CGRRF1: variants seen among roughly 807,000 people sequenced by gnomAD.
The protein encoded by CGRRF1 is cell growth regulator with RING finger domain protein 1.
A neutral mutation model predicts 37.2 loss-of-function variants in CGRRF1; 32 were observed. That is an observed-to-expected ratio of 0.86 (90% CI 0.65 to 1.16). The LOEUF (loss-of-function observed/expected upper bound fraction) is 1.16. CGRRF1 is among the 50% of genes most tolerant of loss of function. The pLI, the probability that CGRRF1 is intolerant of heterozygous loss-of-function variation, is 0.00. For synonymous variants in CGRRF1, 141 were observed against 140.3 expected, an observed-to-expected ratio of 1.00 and a Z score of -0.04; for missense variants, 391 against 382.6, an observed-to-expected ratio of 1.02 and a Z score of -0.18.
intron 3 of CGRRF1, chr14:54,530,537 A>T (rs985724156): frequency 7.6e-7 from 1 of 1,310,926 alleles, no homozygotes; most frequent in Non-Finnish European, 1.0e-6. Context: ...CTCCCCAAGC[A>T]TTAGAAGATG....
chr14:54,512,200 C>G (rs2032140628), intron 1 of CGRRF1, among the ~76,000 whole-genome samples: 1 of 152,126 alleles, frequency 6.6e-6, no homozygotes, highest in Non-Finnish European at 1.5e-5. Flanking sequence ...CATGGTTTTT[C>G]CCTTGGTACT....
chr14:54,529,099 C>T (rs1398371036), intron 2 of CGRRF1, among the ~76,000 whole-genome samples: 1 of 152,172 alleles, frequency 6.6e-6, no homozygotes, highest in Non-Finnish European at 1.5e-5. Context: ...GAGCCAAAAT[C>T]AGATGCCAAG....
chr14:54,522,515 G>C lies in CGRRF1; in HGVS notation c.166G>C (p.Val56Leu), dbSNP rs2032335695. The change falls in exon 2 of 6, where the codon GTT becomes CTT. Residue 56 changes from valine to leucine, a missense_variant. By Grantham distance (32) the Val-to-Leu change is conservative. Transcript: ENST00000216420. The stretch of plus-strand genomic sequence containing the variant: ...AGAAGAGACCCAGTTCAGCACAAGA[G>C]TTTTCAAAAAGCAAATGAGACAAGT... ...NSEETQFSTRVFKKQMRQVKN... is the reference protein window; with the variant it reads ...NSEETQFSTRLFKKQMRQVKN... 6.2e-7 allele frequency: 1 copy of C among 1,609,706 alleles called. No homozygotes were observed. Among genetic ancestry groups the C allele is most frequent in the South Asian group, 1.1e-5 (1 of 90,062 alleles).
At chr14:54,518,013 C>T (rs1403817951) in intron 1 of CGRRF1, among the ~76,000 whole-genome samples, 1 of 152,184 alleles carries the variant, frequency 6.6e-6, no homozygotes, top group Non-Finnish European at 1.5e-5. Context: ...TTTTCTTCAT[C>T]CAGTCTATCA....
At chr14:54,522,939 G>C (rs116163596) in intron 2 of CGRRF1, among the ~76,000 whole-genome samples, 2 of 152,124 alleles carry the variant, frequency 1.3e-5, no homozygotes, top group African/African-American at 4.8e-5. Flanking sequence ...TACAGTTAAC[G>C]TAAGGTTGCT....
chr14:54,528,367 C>T (rs148687706), intron 2 of CGRRF1, among the ~76,000 whole-genome samples: 83 of 151,836 alleles, frequency 5.5e-4, no homozygotes, highest in South Asian at 1.5e-3. Context: ...TCATTTAATC[C>T]GCATTGATGA....
rs1272148908 is a variant in CGRRF1, at chr14:54,509,937, G to T, written c.-23G>T. ...GGCTGGGCTCCGCGGCTGGAGCCGG[G>T]CTCTACCCAGAGCAAGACCCTGATG... On this transcript the variant is annotated 5_prime_UTR_variant, in exon 1 of 6. Coordinates refer to ENST00000216420, the MANE Select transcript of CGRRF1 (RefSeq NM_006568.3). 1.3e-6 allele frequency: 2 copies of T among 1,577,210 alleles called. No individual in the cohort carries two copies. The highest frequency in any genetic ancestry group is 2.2e-5 in the East Asian group (1 of 44,708).
intron 2 of CGRRF1, among the ~76,000 whole-genome samples, chr14:54,526,964 C>G (rs2032421173): frequency 6.6e-6 from 1 of 152,156 alleles, no homozygotes; most frequent in Non-Finnish European, 1.5e-5. Context: ...AGTGGCTTAG[C>G]ATATTTTCTA....
chr14:54,517,936 C>T (rs1594647891), intron 1 of CGRRF1, among the ~76,000 whole-genome samples: 1 of 152,186 alleles, frequency 6.6e-6, no homozygotes. Flanking sequence ...GACGCATTTT[C>T]CTGCAAAGGA....
chr14:54,519,246 T>C (rs2032273161), intron 1 of CGRRF1, among the ~76,000 whole-genome samples: 2 of 142,772 alleles, frequency 1.4e-5, no homozygotes, highest in Middle Eastern at 3.8e-3. Context: ...GTGCCTGGCC[T>C]TTTTTTTTTG....
intron 4 of CGRRF1, 112 bp from the exon 5 acceptor site, chr14:54,537,610 C>T: frequency 9.1e-7 from 1 of 1,093,294 alleles, no homozygotes; most frequent in Non-Finnish European, 1.2e-6. Flanking sequence ...AAGCATTTTT[C>T]TTTTTTTTTG....
chr14:54,519,808 T>C (rs1594648974), intron 1 of CGRRF1, among the ~76,000 whole-genome samples: 1 of 152,334 alleles, frequency 6.6e-6, no homozygotes, highest in African/African-American at 2.4e-5. Flanking sequence ...CATTTTATTA[T>C]AAAAATTTTC....
At chr14:54,515,241 A>C (rs545570065) in intron 1 of CGRRF1, among the ~76,000 whole-genome samples, 1 of 151,340 alleles carries the variant, frequency 6.6e-6, no homozygotes, top group South Asian at 2.1e-4. Flanking sequence ...GGTGTGCACT[A>C]CCATGCCCAA....
rs1017295486 is a variant in CGRRF1, at chr14:54,538,983, G to A, written c.*600G>A. The A allele has an allele frequency of 2.6e-5, 4 of 152,110 alleles. No individual in the cohort carries two copies. Among genetic ancestry groups the A allele is most frequent in the African/African-American group, 4.8e-5 (2 of 41,418 alleles). 9.4% of individuals were successfully genotyped at this position (152,110 alleles called of 1,614,324 possible). ...AAGATATAATTCTTGACTGTTCTCC[G>A]TGTATTATAAAATGATACTCATCTA... is the stretch of plus-strand genomic sequence containing the variant. On this transcript the variant is annotated 3_prime_UTR_variant, in exon 6 of 6. Transcript: ENST00000216420.
chr14:54,526,746 G>A (rs1202351757), intron 2 of CGRRF1, among the ~76,000 whole-genome samples: 2 of 152,138 alleles, frequency 1.3e-5, no homozygotes, highest in Non-Finnish European at 2.9e-5. Context: ...TAACATTAAA[G>A]CAAAAGGGTT....
intron 2 of CGRRF1, among the ~76,000 whole-genome samples, chr14:54,528,931 A>C (rs986051483): frequency 6.6e-6 from 1 of 152,188 alleles, no homozygotes; most frequent in South Asian, 2.1e-4. Flanking sequence ...TATCCTGTGG[A>C]GCATCTGCTT....
intron 1 of CGRRF1, among the ~76,000 whole-genome samples, chr14:54,516,460 C>T (rs143804254): frequency 1.3e-5 from 2 of 152,174 alleles, no homozygotes; most frequent in East Asian, 3.9e-4. Context: ...TAAAGATATT[C>T]TGCCTTCCAT....
Position 54,538,122 on chromosome 14 carries a change from A to G in CGRRF1, c.738A>G (p.Glu246=), listed in dbSNP as rs2032629006. 6.2e-7 allele frequency: 1 copy of G among 1,614,030 alleles called. No homozygotes were observed. Among genetic ancestry groups the G allele is most frequent in the South Asian group, 1.1e-5 (1 of 91,070 alleles). ...CCTCCAACAATTCCTCTTCAGAAGA[A>G]AAAAACACAGACAGAAGTTTGTTGG... ...FTPSNNSSSE[E]KNTDRSLLEK... The change falls in exon 6 of 6, where the codon GAA becomes GAG. Residue 246 remains glutamate (E), a synonymous_variant. Coordinates refer to ENST00000216420, the MANE Select transcript of CGRRF1 (RefSeq NM_006568.3).
chr14:54,533,047 T>C (rs1181578107), intron 4 of CGRRF1, among the ~76,000 whole-genome samples: 1 of 151,922 alleles, frequency 6.6e-6, no homozygotes, highest in African/African-American at 2.4e-5. Context: ...AGCTTCCCCA[T>C]TGCATTCCTT....
Sources: gnomAD v4.1 joint callset for allele counts (sites outside exome capture counted in the v4.1 genomes callset) on GRCh38, gnomAD v4.1.1 for gene constraint, MANE v1.5 for transcripts, NCBI Gene and HGNC (gene_info 2026-07-23, HGNC 2026-07-21) for gene names.